The following WDTC1 variants were observed in gnomAD, a reference collection of about 807,000 sequenced individuals.
The protein encoded by WDTC1 is WD and tetratricopeptide repeats protein 1.
Under a neutral mutation model 76.0 loss-of-function variants are expected in WDTC1, and 12 were observed. The observed-to-expected ratio is 0.16, with a 90% CI of 0.10 to 0.26. The LOEUF (loss-of-function observed/expected upper bound fraction) is 0.26. Ranked by LOEUF, WDTC1 falls within the 10% of genes least tolerant of loss-of-function variation. The pLI is 1.00. For missense variants in WDTC1, 511 were observed against 908.8 expected, an observed-to-expected ratio of 0.56 and a Z score of 5.63; for synonymous variants, 326 against 350.8, an observed-to-expected ratio of 0.93 and a Z score of 0.79.
At chr1:27,252,900 A>C (rs1296153331) in intron 1 of WDTC1, among the ~76,000 whole-genome samples, 1 of 151,726 alleles carries the variant, frequency 6.6e-6, no homozygotes, top group African/African-American at 2.4e-5. Context: ...TTATTCTACT[A>C]TGATGTGTTT....
At chr1:27,247,467 C>T (rs189308321) in intron 1 of WDTC1, among the ~76,000 whole-genome samples, 1 of 152,126 alleles carries the variant, frequency 6.6e-6, no homozygotes, top group Non-Finnish European at 1.5e-5. Context: ...TTCTGATCCT[C>T]TTCCTCTTCC....
chr1:27,287,553 G>T, intron 5 of WDTC1, 121 bp from the exon 6 acceptor site: 1 of 1,176,622 alleles, frequency 8.5e-7, no homozygotes, highest in South Asian at 1.5e-5. Flanking sequence ...CGCCCAGCCT[G>T]CATGGGCTCA....
intron 1 of WDTC1, among the ~76,000 whole-genome samples, chr1:27,245,832 A>G (rs1315240566): frequency 6.6e-6 from 1 of 151,480 alleles, no homozygotes; most frequent in African/African-American, 2.4e-5. Context: ...CCTCCCAGAA[A>G]GTGCTGGGAT....
In WDTC1 at chr1:27,245,662, C is replaced by T. The variant is rs372813823; in HGVS notation, c.-100+10711C>T. Reference sequence around the variant, plus strand: ...TCGGCTCACTGCAACCTCCGCCTCCCGGGTTCAGACGATTCTCCTGCCTCA... The same window carrying T: ...TCGGCTCACTGCAACCTCCGCCTCCTGGGTTCAGACGATTCTCCTGCCTCA... On this transcript the variant is annotated intron_variant, in intron 1 of 15. Coordinates refer to ENST00000319394, the MANE Select transcript of WDTC1 (RefSeq NM_001276252.2). 9.9e-4 allele frequency among the ~76,000 whole-genome samples: 150 copies of T among 151,334 alleles called. 2 individuals are homozygous for T. In the South Asian group the frequency reaches 0.029, roughly 29 times the overall value.
At chr1:27,273,191 T>C (rs968114584) in intron 3 of WDTC1, among the ~76,000 whole-genome samples, 1 of 141,256 alleles carries the variant, frequency 7.1e-6, no homozygotes, top group Non-Finnish European at 1.5e-5. Flanking sequence ...AAATGACTAA[T>C]TTTCTTTTTC....
At chr1:27,291,597 G>T (rs2013538094) in intron 6 of WDTC1, among the ~76,000 whole-genome samples, 1 of 152,152 alleles carries the variant, frequency 6.6e-6, no homozygotes, top group African/African-American at 2.4e-5. Flanking sequence ...CTGCTGTTTG[G>T]TAGACTTTTT....
chr1:27,272,834 A>T (rs1246360965), intron 3 of WDTC1, among the ~76,000 whole-genome samples: 1 of 152,132 alleles, frequency 6.6e-6, no homozygotes, highest in Non-Finnish European at 1.5e-5. Flanking sequence ...ACTTGAGCCC[A>T]GGAGGTCAAG....
rs752871748 is a variant in WDTC1, at chr1:27,294,010, C to T, written c.663-12C>T. On this transcript the variant is annotated splice_polypyrimidine_tract_variant and intron_variant, in intron 7 of 15. Transcript: ENST00000319394. ...CTGTAACTTTAACCTATATGATTTT[C>T]CTTCCCACCAGAAAGAGCATGAAGC... 6.2e-7 allele frequency: 1 copy of T among 1,613,550 alleles called. No individual in the cohort carries two copies. Among genetic ancestry groups the T allele is most frequent in the South Asian group, 1.1e-5 (1 of 91,030 alleles).
intron 1 of WDTC1, 144 bp from the exon 2 acceptor site, chr1:27,260,812 A>G (rs2012454188): frequency 3.6e-6 from 2 of 554,574 alleles, no homozygotes; most frequent in Admixed American, 3.2e-5. Flanking sequence ...AGGTTTTTCA[A>G]CACTATGGAG....
At chr1:27,254,106 A>G (rs1481704344) in intron 1 of WDTC1, among the ~76,000 whole-genome samples, 3 of 151,758 alleles carry the variant, frequency 2.0e-5, no homozygotes, top group Middle Eastern at 3.4e-3. Flanking sequence ...AGTTTTAAAA[A>G]CAAAAACAAA....
chr1:27,287,575 G>A (rs2013376943), intron 5 of WDTC1, 99 bp from the exon 6 acceptor site: 2 of 1,352,164 alleles, frequency 1.5e-6, no homozygotes, highest in Non-Finnish European at 2.0e-6. Flanking sequence ...TCTCTTATCT[G>A]ACATGGAGAG....
intron 1 of WDTC1, among the ~76,000 whole-genome samples, chr1:27,260,665 AG>A (rs1028905745): frequency 6.6e-6 from 1 of 152,232 alleles, no homozygotes; most frequent in Non-Finnish European, 1.5e-5. Context: ...TCTAACTTTA[AG>A]GATATGCTAC....
chr1:27,251,949 G>A (rs758091456), intron 1 of WDTC1, among the ~76,000 whole-genome samples: 3 of 152,102 alleles, frequency 2.0e-5, no homozygotes, highest in Non-Finnish European at 4.4e-5. Flanking sequence ...TTGGGAGGCT[G>A]AGGCAGGAGA....
Position 27,305,239 on chromosome 1 carries a change from A to C in WDTC1, c.1836+46A>C, listed in dbSNP as rs1557512240. On this transcript the variant is annotated intron_variant, in intron 15 of 15. Coordinates refer to ENST00000319394, the MANE Select transcript of WDTC1 (RefSeq NM_001276252.2). This position sits in a 1 kb window ranked among gnomAD's most constrained non-coding sequence, Gnocchi z 4.6. ...AGAGAGGAGGGCAGGGACTCTGTGG[A>C]AGGCTCCAGTGGAGCCTGCTAGCGC... The C allele has an allele frequency of 5.0e-6, 8 of 1,590,346 alleles. No homozygotes were observed. Among genetic ancestry groups the C allele is most frequent in the Non-Finnish European group, 6.8e-6 (8 of 1,168,812 alleles).
chr1:27,285,506 T>TA (rs897758232), intron 5 of WDTC1, among the ~76,000 whole-genome samples: 3 of 151,782 alleles, frequency 2.0e-5, no homozygotes, highest in African/African-American at 7.3e-5. Flanking sequence ...TTTTCAATTT[T>TA]AAAAAAAAGA....
At chr1:27,234,513 G>C, upstream of WDTC1, 1 of 357,242 alleles carries the variant, frequency 2.8e-6, no homozygotes, top group East Asian at 4.0e-5. Flanking sequence ...GGCGCGGGGG[G>C]GTAAGTGGGG....
Position 27,306,680 on chromosome 1 carries a change from CA to C in WDTC1, c.*301del. The C allele has an allele frequency of 4.5e-6, 2 of 447,526 alleles. No homozygotes were observed. The highest frequency in any genetic ancestry group is 8.2e-6 in the Non-Finnish European group (2 of 245,128). 27.7% of individuals were successfully genotyped at this position (447,526 alleles called of 1,614,324 possible). A position where few individuals can be genotyped will look rare whatever the true frequency, so the allele number is the denominator to read the frequency against. The stretch of plus-strand genomic sequence containing the variant: ...GTCCCTGGAGGGCTCTGGCCTGCCT[CA>C]AAACCCCTTCTGCCTCAGGTGGGGA... On this transcript the variant is annotated 3_prime_UTR_variant, in exon 16 of 16. Coordinates refer to ENST00000319394, the MANE Select transcript of WDTC1 (RefSeq NM_001276252.2). This position sits in a 1 kb window ranked among gnomAD's most constrained non-coding sequence, Gnocchi z 5.0.
intron 1 of WDTC1, among the ~76,000 whole-genome samples, chr1:27,236,854 T>A (rs373480352): frequency 2.0e-5 from 3 of 152,208 alleles, no homozygotes; most frequent in Non-Finnish European, 2.9e-5. Context: ...TTATTTATTT[T>A]TTGAGATGGA....
intron 6 of WDTC1, among the ~76,000 whole-genome samples, chr1:27,290,916 T>C (rs2147976348): frequency 6.6e-6 from 1 of 152,234 alleles, no homozygotes; most frequent in East Asian, 1.9e-4. Context: ...CTGGGGTAAG[T>C]CACTGCATCC....
Sources: gnomAD v4.1 joint callset for allele counts (sites outside exome capture counted in the v4.1 genomes callset) on GRCh38, gnomAD v4.1.1 for gene constraint, Gnocchi (gnomAD v3.1) non-coding constraint, MANE v1.5 for transcripts, NCBI Gene and HGNC (gene_info 2026-07-23, HGNC 2026-07-21) for gene names.